Variants in GABRR3 observed in about 807,000 individuals in gnomAD.
The protein encoded by GABRR3 is gamma-aminobutyric acid receptor subunit rho-3.
Under a neutral mutation model 43.2 loss-of-function variants are expected in GABRR3, and 29 were observed. The ratio of observed to expected loss-of-function variants is 0.67; its 90% CI spans 0.50 to 0.92. The LOEUF is 0.92. Ranked by LOEUF, GABRR3 falls within the 40% of genes least tolerant of loss-of-function variation. The pLI is 0.00. For synonymous variants in GABRR3, 206 were observed against 195.9 expected, an observed-to-expected ratio of 1.05 and a Z score of -0.43; for missense variants, 576 against 572.3, an observed-to-expected ratio of 1.01 and a Z score of -0.07.
rs371070857 is a variant in GABRR3, at chr3:98,025,566, C to A, written c.238+1G>T. ...ATGAATTTTGAGAGGATAATACTCA[C>A]CTCCAAATCCAGGTCTCATTGCGAA... On this transcript the variant is annotated splice_donor_variant, in intron 3 of 9. Transcript: ENST00000621172. LOFTEE classifies it high-confidence loss of function. The A allele has an allele frequency of 6.3e-7, 1 of 1,596,130 alleles. No homozygotes were observed. Among genetic ancestry groups the A allele is most frequent in the Non-Finnish European group, 8.6e-7 (1 of 1,167,898 alleles).
At chr3:97,986,846 C>T in exon 10 of GABRR3, 2 of 1,612,666 alleles carry the variant, frequency 1.2e-6, no homozygotes, top group South Asian at 2.2e-5. Flanking sequence ...GGTGCTGGGG[C>T]TGCATATCGA....
chr3:98,006,393 T>C (rs1248356405), intron 7 of GABRR3, among the ~76,000 whole-genome samples: 1 of 152,214 alleles, frequency 6.6e-6, no homozygotes, highest in Non-Finnish European at 1.5e-5. Context: ...CCAAGCAATG[T>C]AGACAAATAA....
chr3:97,995,188 G>T (rs981300915), intron 8 of GABRR3, among the ~76,000 whole-genome samples: 3 of 152,066 alleles, frequency 2.0e-5, no homozygotes, highest in Non-Finnish European at 2.9e-5. Context: ...TGTTGATTAG[G>T]CTGGTCTCAA....
At chr3:98,008,176 A>G (rs1302865856) in intron 6 of GABRR3, among the ~76,000 whole-genome samples, 4 of 152,160 alleles carry the variant, frequency 2.6e-5, no homozygotes, top group African/African-American at 9.7e-5. Context: ...AGCTGCTCCC[A>G]TATTTGTGTA....
intron 7 of GABRR3, among the ~76,000 whole-genome samples, chr3:98,005,185 C>T (rs1706710038): frequency 6.7e-6 from 1 of 148,184 alleles, no homozygotes; most frequent in Admixed American, 6.8e-5. Context: ...TCAGAGGTAT[C>T]TATTGTTAAT....
chr3:98,015,985 C>A (rs139317540), intron 4 of GABRR3, among the ~76,000 whole-genome samples: 1 of 152,268 alleles, frequency 6.6e-6, no homozygotes, highest in East Asian at 1.9e-4. Context: ...AACTTACAAC[C>A]ACGGCAGAAG....
At chr3:98,007,834 A>G (rs375360007) in exon 7 of GABRR3, 57 of 1,612,162 alleles carry the variant, frequency 3.5e-5, no homozygotes, top group Admixed American at 2.5e-4. Context: ...AAAGGGACAT[A>G]TGTTCTTCAG....
chr3:98,020,537 T>C (rs1706928883), intron 3 of GABRR3, among the ~76,000 whole-genome samples: 1 of 151,522 alleles, frequency 6.6e-6, no homozygotes, highest in Admixed American at 6.6e-5. Context: ...AGAGAGCAAC[T>C]TGCAGCTAGT....
chr3:98,009,224 T>C (rs191292945), intron 5 of GABRR3, among the ~76,000 whole-genome samples, 186 bp from the exon 6 acceptor site: 49 of 152,336 alleles, frequency 3.2e-4, no homozygotes, highest in Admixed American at 1.6e-3. Flanking sequence ...GTAGATGATT[T>C]TCTTAAGACA....
At chr3:98,000,907 T>G (rs1706630877) in intron 8 of GABRR3, 1 of 152,146 alleles carries the variant, frequency 6.6e-6, no homozygotes, top group Admixed American at 6.6e-5. Flanking sequence ...TCTCAATAAC[T>G]GCTAAGTGGG....
chr3:97,992,927 C>T, exon 9 of GABRR3: 2 of 1,613,646 alleles, frequency 1.2e-6, no homozygotes, highest in Non-Finnish European at 1.7e-6. Flanking sequence ...CAATGACTGA[C>T]AGGAACACAA....
intron 5 of GABRR3, among the ~76,000 whole-genome samples, chr3:98,009,369 T>C (rs1339148744): frequency 6.6e-6 from 1 of 152,132 alleles, no homozygotes; most frequent in Non-Finnish European, 1.5e-5. Context: ...TAAATAGATT[T>C]AAATATTTTT....
intron 9 of GABRR3, among the ~76,000 whole-genome samples, chr3:97,988,860 T>G (rs908946027): frequency 4.2e-5 from 6 of 142,146 alleles, no homozygotes; most frequent in African/African-American, 1.3e-4. Context: ...TGGTGAGTGG[T>G]GGGTGGTAGG....
intron 5 of GABRR3, among the ~76,000 whole-genome samples, chr3:98,011,608 A>ATT (rs74427121): frequency 4.2e-4 from 63 of 151,564 alleles, no homozygotes; most frequent in South Asian, 8.3e-4. Context: ...GTCTGCAAGG[A>ATT]TTTTTTTTTC....
intron 4 of GABRR3, among the ~76,000 whole-genome samples, chr3:98,017,357 T>C (rs1040534887): frequency 6.6e-6 from 1 of 152,230 alleles, no homozygotes; most frequent in Non-Finnish European, 1.5e-5. Context: ...TCCTTCTGTT[T>C]ATACAATTGT....
chr3:98,029,923 C>A (rs1397669155), intron 2 of GABRR3, among the ~76,000 whole-genome samples: 2 of 152,116 alleles, frequency 1.3e-5, no homozygotes, highest in East Asian at 3.9e-4. Flanking sequence ...CGAGACCAGA[C>A]TGGCCAACAT....
exon 3 of GABRR3, chr3:98,025,676 T>C (rs1464921437): frequency 6.2e-7 from 1 of 1,604,380 alleles, no homozygotes; most frequent in Non-Finnish European, 8.5e-7. Context: ...TAGTTTCTTG[T>C]TTGCTGTTCC....
chr3:98,022,277 C>G (rs1333908320), intron 3 of GABRR3, among the ~76,000 whole-genome samples: 8 of 152,134 alleles, frequency 5.3e-5, no homozygotes, highest in African/African-American at 1.9e-4. Flanking sequence ...CCAAGTTAAA[C>G]AAAAAGCTCC....
intron 9 of GABRR3, among the ~76,000 whole-genome samples, chr3:97,991,480 T>C (rs1254054062): frequency 1.3e-5 from 2 of 152,228 alleles, no homozygotes; most frequent in Non-Finnish European, 2.9e-5. Context: ...TGTGGGCATG[T>C]AAGTGACAGG....
Sources: gnomAD v4.1 joint callset for allele counts (sites outside exome capture counted in the v4.1 genomes callset) on GRCh38, gnomAD v4.1.1 for gene constraint, MANE v1.5 for transcripts, NCBI Gene and HGNC (gene_info 2026-07-23, HGNC 2026-07-21) for gene names.